SRGAP3: variants seen among roughly 807,000 people sequenced by gnomAD.
SRGAP3 encodes the protein SLIT-ROBO Rho GTPase-activating protein 3.
In SRGAP3, 39 loss-of-function variants were observed where a neutral mutation model predicts 121.1. The ratio of observed to expected loss-of-function variants is 0.32; its 90% CI spans 0.25 to 0.42. SRGAP3 has a LOEUF of 0.42. SRGAP3 is among the 10% of genes least tolerant of loss of function. The probability of loss-of-function intolerance (pLI) is 1.00; values close to 1 mark genes in which losing one functional copy is unlikely to be tolerated. For missense variants in SRGAP3, 1,213 were observed against 1,470.6 expected (o/e 0.82, Z 2.86); for synonymous variants, 601 against 570.0 (o/e 1.05, Z -0.77).
At chr3:9,290,557 GT>G (rs1206319660) in intron 3 of SRGAP3, among the ~76,000 whole-genome samples, 2 of 152,158 alleles carry the variant, frequency 1.3e-5, no homozygotes, top group East Asian at 1.9e-4. Flanking sequence ...GGTTCATAAA[GT>G]TTTTTATATT....
intron 1 of SRGAP3, among the ~76,000 whole-genome samples, chr3:9,226,586 G>C (rs1021269190): frequency 1.3e-5 from 2 of 152,178 alleles, no homozygotes; most frequent in African/African-American, 4.8e-5. Flanking sequence ...GCCTCACAGT[G>C]ACTCACAGCA....
At chr3:9,071,989 T>C (rs967993585) in intron 4 of SRGAP3, among the ~76,000 whole-genome samples, 1 of 152,158 alleles carries the variant, frequency 6.6e-6, no homozygotes, top group Non-Finnish European at 1.5e-5. Flanking sequence ...TACATGTTCA[T>C]GTGATTCAAC....
intron 18 of SRGAP3, among the ~76,000 whole-genome samples, chr3:8,998,299 T>A (rs921129975): frequency 2.0e-5 from 3 of 152,216 alleles, no homozygotes; most frequent in African/African-American, 7.2e-5. Context: ...TTTGCATTCA[T>A]CCACACTCAA....
At chr3:9,279,827 C>T (rs895608433) in intron 3 of SRGAP3, among the ~76,000 whole-genome samples, 1 of 152,112 alleles carries the variant, frequency 6.6e-6, no homozygotes, top group South Asian at 2.1e-4. Flanking sequence ...ACACCCTGAT[C>T]GTGGCAAATG....
At chr3:9,133,940 G>A (rs977194956) in intron 1 of SRGAP3, among the ~76,000 whole-genome samples, 2 of 152,156 alleles carry the variant, frequency 1.3e-5, no homozygotes, top group African/African-American at 4.8e-5. Flanking sequence ...TTAGTTTAGC[G>A]CTAGGTATCA....
At chr3:9,117,384 G>A (rs1248527821) in intron 2 of SRGAP3, among the ~76,000 whole-genome samples, 4 of 152,220 alleles carry the variant, frequency 2.6e-5, no homozygotes, top group Admixed American at 1.3e-4. Flanking sequence ...TGGAAATGAA[G>A]TTAGTTGTTC....
chr3:9,015,884 G>C (rs926502206), intron 14 of SRGAP3, 153 bp from the exon 15 acceptor site: 3 of 779,780 alleles, frequency 3.8e-6, no homozygotes, highest in East Asian at 5.3e-5. Context: ...ACTTCAGCAA[G>C]TTTAAAGTTC....
At chr3:9,362,455 T>C (rs2030941516) in intron 1 of SRGAP3, among the ~76,000 whole-genome samples, 1 of 149,010 alleles carries the variant, frequency 6.7e-6, no homozygotes. Context: ...TGAGCCACTG[T>C]GCCCGGCCAG....
intron 2 of SRGAP3, among the ~76,000 whole-genome samples, chr3:9,326,340 T>A (rs988170265): frequency 6.6e-6 from 1 of 151,930 alleles, no homozygotes; most frequent in African/African-American, 2.4e-5. Flanking sequence ...AATCCCTTTA[T>A]AAATGTTTAA....
intron 1 of SRGAP3, among the ~76,000 whole-genome samples, chr3:9,174,069 T>C (rs890203062): frequency 6.6e-6 from 1 of 152,122 alleles, no homozygotes; most frequent in Non-Finnish European, 1.5e-5. Context: ...AGAGAATGGA[T>C]GGACCTTGGG....
At chr3:9,072,379 CCACATCT>C (rs2125238620) in intron 4 of SRGAP3, among the ~76,000 whole-genome samples, 1 of 152,356 alleles carries the variant, frequency 6.6e-6, no homozygotes, top group East Asian at 1.9e-4. Flanking sequence ...TAGTGTGCAG[CCACATCT>C]CGTGGTCTGG....
At chr3:9,049,552 C>T (rs1945457342) in intron 9 of SRGAP3, 1 of 453,998 alleles carries the variant, frequency 2.2e-6, no homozygotes, top group Admixed American at 2.4e-5. Flanking sequence ...CTGAGCCTCC[C>T]TGTCCTCCCC....
intron 1 of SRGAP3, among the ~76,000 whole-genome samples, chr3:9,244,220 T>C (rs1259974559): frequency 6.6e-6 from 1 of 152,232 alleles, no homozygotes; most frequent in Non-Finnish European, 1.5e-5. Context: ...TTTATCACCA[T>C]ATTCCAAGAA....
rs368369285 is a variant in SRGAP3 at position 9,104,717 on chromosome 3, G to T, written c.386C>A (p.Ser129Tyr). The T allele has an allele frequency of 3.2e-5, 51 of 1,614,114 alleles. No homozygotes were observed. The highest frequency in any genetic ancestry group is 4.0e-5 in the Non-Finnish European group (47 of 1,180,048). Residue 129 changes from serine to tyrosine, a missense_variant, in exon 3 of 22, where the codon TCC becomes TAC. Physicochemically the swap from Ser to Tyr is moderately radical, Grantham distance 144 (BLOSUM62 -2). Around this residue, in one of 2 missense-constraint regions of SRGAP3, gnomAD observed 793 missense variants for 1,032.9 expected, o/e 0.77. Transcript: ENST00000383836. ...TCTGATGACATCCTCACTGATCTGG[G>T]AGAGGCGGACGATGACATTGTTCAT... is the stretch of plus-strand genomic sequence containing the variant. ...IFMNNVIVRL[S>Y]QISEDVIRLF...
At chr3:9,050,280 A>G (rs1291864416) in intron 9 of SRGAP3, among the ~76,000 whole-genome samples, 1 of 152,206 alleles carries the variant, frequency 6.6e-6, no homozygotes, top group Non-Finnish European at 1.5e-5. Context: ...TTCCCCAAAA[A>G]AGCAGAGCTG....
intron 1 of SRGAP3, among the ~76,000 whole-genome samples, chr3:9,152,400 T>C (rs1950240971): frequency 6.6e-6 from 1 of 152,216 alleles, no homozygotes; most frequent in Admixed American, 6.5e-5. Flanking sequence ...TCTCTCTCTC[T>C]GTGTCTCTCT....
At chr3:9,091,554 A>G (rs1947756281) in intron 3 of SRGAP3, among the ~76,000 whole-genome samples, 1 of 152,060 alleles carries the variant, frequency 6.6e-6, no homozygotes, top group South Asian at 2.1e-4. Context: ...CCATCTCCCA[A>G]AGTGATTGTG....
chr3:9,041,985 C>T (rs973784924), intron 10 of SRGAP3, among the ~76,000 whole-genome samples: 8 of 151,738 alleles, frequency 5.3e-5, no homozygotes, highest in South Asian at 4.2e-4. Flanking sequence ...CCTGTAATCC[C>T]GGCTACTCGG....
At chr3:8,986,364 G>C (rs1464906383) in intron 21 of SRGAP3, among the ~76,000 whole-genome samples, 3 of 152,178 alleles carry the variant, frequency 2.0e-5, no homozygotes, top group Non-Finnish European at 4.4e-5. Flanking sequence ...AGCCTGGCCT[G>C]ACCCCTGGCA....
Sources: allele counts gnomAD v4.1 joint callset (sites outside exome capture counted in the v4.1 genomes callset), GRCh38; gene constraint gnomAD v4.1.1; regional missense constraint gnomAD v4.1.1; transcripts MANE v1.5; gene names NCBI Gene and HGNC (gene_info 2026-07-23, HGNC 2026-07-21).